COL18A1: variants seen among roughly 807,000 people sequenced by gnomAD.
COL18A1 encodes the protein collagen alpha-1(XVIII) chain.
COL18A1 carries 133 observed loss-of-function variants against 168.0 expected under a neutral mutation model. The ratio of observed to expected loss-of-function variants is 0.79; its 90% CI spans 0.69 to 0.91. The LOEUF is 0.91. Among genes scored for constraint, COL18A1 ranks in the 40% least tolerant of loss-of-function variants. The probability of loss-of-function intolerance (pLI) is 0.00; values close to 1 mark genes in which losing one functional copy is unlikely to be tolerated. For missense variants in COL18A1, 2,126 were observed against 1,925.4 expected, an observed-to-expected ratio of 1.10 and a Z score of -1.95; for synonymous variants, 949 against 809.0, an observed-to-expected ratio of 1.17 and a Z score of -2.94.
intron 41 of COL18A1, among the ~76,000 whole-genome samples, chr21:45,511,781 T>G (rs1477401565): frequency 6.6e-6 from 1 of 152,184 alleles, no homozygotes; most frequent in Non-Finnish European, 1.5e-5. Flanking sequence ...GAGATGCACC[T>G]GCCAAGGGTC....
chr21:45,451,767 CTCCTGTGTCACCCAGG>C (rs1404139521), intron 2 of COL18A1, among the ~76,000 whole-genome samples: 48 of 152,206 alleles, frequency 3.2e-4, no homozygotes, highest in Non-Finnish European at 7.3e-5. Flanking sequence ...CTGGGGCACT[CTCCTGTGTCACCCAGG>C]TCCTGCGCAC....
chr21:45,510,975 ACCCCCCACACCC>A lies in COL18A1; in HGVS notation c.3694-134_3694-123del. 11 of 34,724 alleles carry A rather than the reference ACCCCCCACACCC, an allele frequency of 3.2e-4. 3 individuals carry two copies. The highest frequency in any genetic ancestry group is 5.3e-4 in the South Asian group (4 of 7,520). 2.2% of individuals were successfully genotyped at this position (34,724 alleles called of 1,614,324 possible). The stretch of plus-strand genomic sequence containing the variant: ...CAACACCCCACATACACCCCCAAAC[ACCCCCCACACCC>A]CACACACACAACACACCCCCCCCCC... On this transcript the variant is annotated intron_variant, in intron 40 of 41. Coordinates refer to ENST00000651438, the MANE Select transcript of COL18A1 (RefSeq NM_001379500.1).
At chr21:45,477,991 C>G in intron 8 of COL18A1, 26 bp downstream of exon 8, 1 of 1,259,184 alleles carries the variant, frequency 7.9e-7, no homozygotes, top group Non-Finnish European at 1.1e-6. Flanking sequence ...CCCCCGAGTC[C>G]GGCCCGGTCT....
chr21:45,497,605 A>G lies in COL18A1; in HGVS notation c.2627A>G (p.Gln876Arg), dbSNP rs767553225. ...RPGPPGLPGN[Q>R]GPPGPKGAKG... is the part of the protein sequence containing the mutation. Reference sequence around the variant, plus strand: ...TGGGTCTCTCTTCCTCCAGGGAATCAGGGCCCTCCAGGACCCAAGGGCGCC... The same window carrying G: ...TGGGTCTCTCTTCCTCCAGGGAATCGGGGCCCTCCAGGACCCAAGGGCGCC... Residue 876 changes from glutamine (Q) to arginine (R), a missense_variant, in exon 32 of 42, where the codon CAG (glutamine) becomes CGG (arginine). Gln to Arg is a conservative substitution (Grantham distance 43, BLOSUM62 1). Coordinates refer to ENST00000651438, the MANE Select transcript of COL18A1 (RefSeq NM_001379500.1). 6.4e-7 allele frequency: 1 copy of G among 1,562,422 alleles called. No individual in the cohort carries two copies. The highest frequency in any genetic ancestry group is 8.7e-7 in the Non-Finnish European group (1 of 1,153,766).
At chr21:45,482,134 C>A in intron 14 of COL18A1, 109 bp downstream of exon 14, 1 of 835,586 alleles carries the variant, frequency 1.2e-6, no homozygotes, top group Non-Finnish European at 2.0e-6. Context: ...AGGAATAGCC[C>A]CCCATCACAG....
At chr21:45,500,000 G>C (rs116136375) in intron 32 of COL18A1, among the ~76,000 whole-genome samples, 1,770 of 152,298 alleles carry the variant, frequency 0.012, 32 homozygotes, top group African/African-American at 0.04. Flanking sequence ...GCTAAACCAT[G>C]TGCCGCTTAC....
Position 45,476,343 on chromosome 21 carries a change from T to C in COL18A1, c.799-8T>C. 1 of 1,613,888 alleles carries C rather than the reference T, an allele frequency of 6.2e-7. No homozygotes were observed. Among genetic ancestry groups the C allele is most frequent in the Non-Finnish European group, 8.5e-7 (1 of 1,179,922 alleles). ...GAATAACAGGCCACCTCCCCTCTCGTCCTCCAGGGCGCGGCCCTAAAACCC... is the reference window on the plus strand; with the variant it reads ...GAATAACAGGCCACCTCCCCTCTCGCCCTCCAGGGCGCGGCCCTAAAACCC... On this transcript the variant is annotated splice_polypyrimidine_tract_variant and splice_region_variant and intron_variant, in intron 5 of 41. Coordinates refer to ENST00000651438, the MANE Select transcript of COL18A1 (RefSeq NM_001379500.1).
At chr21:45,479,279 C>T (rs1413648478) in intron 9 of COL18A1, among the ~76,000 whole-genome samples, 1 of 146,340 alleles carries the variant, frequency 6.8e-6, no homozygotes, top group East Asian at 2.0e-4. Flanking sequence ...GACACATGCA[C>T]ACACATTACA....
At chr21:45,479,476 T>C (rs1411736679) in intron 9 of COL18A1, among the ~76,000 whole-genome samples, 1 of 151,794 alleles carries the variant, frequency 6.6e-6, no homozygotes, top group South Asian at 2.1e-4. Context: ...GATACACACA[T>C]ACACATACCA....
At chr21:45,468,850 C>A (rs1053066786) in intron 3 of COL18A1, 64 bp downstream of exon 3, 12 of 1,428,372 alleles carry the variant, frequency 8.4e-6, no homozygotes, top group Admixed American at 2.1e-5. Flanking sequence ...GTGGGGGTGG[C>A]CACTGGGACA....
At chr21:45,467,118 C>A in intron 2 of COL18A1, 1 of 586,072 alleles carries the variant, frequency 1.7e-6, no homozygotes, top group Non-Finnish European at 2.2e-6. Flanking sequence ...GGCTGCAAAG[C>A]CCGGGCTCTG....
chr21:45,432,563 C>T (rs2033992006), intron 2 of COL18A1, among the ~76,000 whole-genome samples: 1 of 152,218 alleles, frequency 6.6e-6, no homozygotes, highest in South Asian at 2.1e-4. Context: ...GTGAGAACCC[C>T]CTCGAGTCCT....
intron 2 of COL18A1, chr21:45,456,723 G>T: frequency 6.5e-7 from 1 of 1,533,486 alleles, no homozygotes; most frequent in African/African-American, 1.4e-5. Context: ...CCCCCATGCG[G>T]CAGCGTCCCG....
chr21:45,482,230 T>C (rs561750109), intron 14 of COL18A1: 55 of 624,250 alleles, frequency 8.8e-5, no homozygotes, highest in South Asian at 4.8e-4. Context: ...CCTGTGATGA[T>C]GAGTGGACTC....
rs1006549305 is a variant in COL18A1 at position 45,476,207 on chromosome 21, G to T, written c.799-144G>T. 8.1e-6 allele frequency: 10 copies of T among 1,240,968 alleles called. No individual in the cohort carries two copies. In the Admixed American group the frequency reaches 8.6e-5, roughly 11 times the overall value. The allele number at this position is 1,240,968 out of a possible 1,614,324, so 76.9% of individuals were successfully genotyped here. A position where few individuals can be genotyped will look rare whatever the true frequency, so the allele number is the denominator to read the frequency against. ...CGGCCCACGGAAGGAAGCCCCTCGC[G>T]CACGGCCCTGGAGCACCCTCCTGTT... On this transcript the variant is annotated intron_variant, in intron 5 of 41. Coordinates refer to ENST00000651438, the MANE Select transcript of COL18A1 (RefSeq NM_001379500.1).
intron 2 of COL18A1, among the ~76,000 whole-genome samples, chr21:45,439,049 G>T (rs1429487534): frequency 6.6e-6 from 1 of 152,252 alleles, no homozygotes; most frequent in East Asian, 1.9e-4. Context: ...CGGAGGTGCA[G>T]GCCACGCTCA....
At chr21:45,490,725 C>T (rs1602537573) in intron 20 of COL18A1, 111 bp from the exon 21 acceptor site, 6 of 1,211,316 alleles carry the variant, frequency 5.0e-6, no homozygotes, top group South Asian at 1.3e-5. Context: ...TCCCAGGCCC[C>T]AGCCGGTCGG....
chr21:45,469,310 C>T (rs1020149999), intron 3 of COL18A1, among the ~76,000 whole-genome samples: 2 of 152,266 alleles, frequency 1.3e-5, no homozygotes, highest in East Asian at 1.9e-4. Context: ...TTGTTGAAAA[C>T]GATGAACGAT....
In COL18A1 at chr21:45,503,879, T is replaced by A; in HGVS notation, c.2684-132T>A. 4 of 814,946 alleles carry A rather than the reference T, an allele frequency of 4.9e-6. No homozygotes were observed. In the South Asian group the frequency reaches 6.0e-5, roughly 12 times the overall value. The allele number at this position is 814,946 out of a possible 1,614,324, so 50.5% of individuals were successfully genotyped here. On this transcript the variant is annotated intron_variant, in intron 32 of 41. Transcript: ENST00000651438. ...TATCGGTTAACTAGGAAGAACCTAA[T>A]TAAATACGCGATCTCTACCGCGAAA...
Sources: allele counts gnomAD v4.1 joint callset (sites outside exome capture counted in the v4.1 genomes callset), GRCh38; gene constraint gnomAD v4.1.1; transcripts MANE v1.5; gene names NCBI Gene and HGNC (gene_info 2026-07-23, HGNC 2026-07-21).